Variants in SLC6A14 observed in about 807,000 individuals in gnomAD.
The protein encoded by SLC6A14 is solute carrier family 6 member 14, also known as sodium- and chloride-dependent neutral and basic amino acid transporter B(0+).
Under a neutral mutation model 51.4 loss-of-function variants are expected in SLC6A14, and 21 were observed. The observed-to-expected ratio is 0.41, with a 90% confidence interval of 0.29 to 0.59. The LOEUF is 0.59. Among genes scored for constraint, SLC6A14 ranks in the 20% least tolerant of loss-of-function variants. SLC6A14 has a pLI of 0.31. For synonymous variants in SLC6A14, 177 were observed against 160.7 expected, an observed-to-expected ratio of 1.10 and a Z score of -0.77; for missense variants, 371 against 472.8, an observed-to-expected ratio of 0.78 and a Z score of 2.00.
intron 9 of SLC6A14, among the ~76,000 whole-genome samples, chrX:116,454,062 G>GA (rs1296335219): frequency 1.8e-5 from 2 of 110,551 alleles, no homozygotes; most frequent in Non-Finnish European, 3.8e-5. Flanking sequence ...GTTCACAGGG[G>GA]ACTGTTACCT....
rs1927996401 is a variant in SLC6A14 at position 116,459,292 on chromosome X, A to G, written c.*337A>G. 7.6e-6 allele frequency: 1 copy of G among 131,172 alleles called. No individual in the cohort carries two copies. Among genetic ancestry groups the G allele is most frequent in the Admixed American group, 9.0e-5 (1 of 11,121 alleles). The allele number at this position is 131,172 out of a possible 1,213,427, so 10.8% of individuals were successfully genotyped here. Reference sequence around the variant, plus strand: ...AACTAATTTCTTAGAGAATAGTTATATTTTCTATTACACAAGTTTAAAAAT... The same window carrying G: ...AACTAATTTCTTAGAGAATAGTTATGTTTTCTATTACACAAGTTTAAAAAT... On this transcript the variant is annotated 3_prime_UTR_variant, in exon 14 of 14. Coordinates refer to ENST00000598581, the MANE Select transcript of SLC6A14 (RefSeq NM_007231.5).
rs1556694505 is a variant in SLC6A14 at position 116,453,062 on chromosome X, T to A, written c.1205T>A (p.Leu402His). The stretch of plus-strand genomic sequence containing the variant: ...GCCTATCCAGAGGCTCTAGCCCAAC[T>A]CCCAGGTGGTCCATTTTGGTCCATA... ...FIAYPEALAQ[L>H]PGGPFWSILF... The change falls in exon 9 of 14, where the codon CTC (leucine) becomes CAC (histidine). Residue 402 changes from leucine to histidine, a missense_variant. By Grantham distance (99) the Leu-to-His change is moderately conservative. Transcript: ENST00000598581. 1 of 1,199,494 alleles carries A rather than the reference T, an allele frequency of 8.3e-7. No individual in the cohort carries two copies. Among genetic ancestry groups the A allele is most frequent in the Admixed American group, 2.2e-5 (1 of 45,346 alleles).
chrX:116,453,579 CATTG>C (rs1247621661), intron 9 of SLC6A14, among the ~76,000 whole-genome samples: 1 of 111,233 alleles, frequency 9.0e-6, no homozygotes, highest in African/African-American at 3.2e-5. Context: ...GTTGTTTTTG[CATTG>C]ATTATGAATC....
At chrX:116,458,215 G>T (rs782748008) in intron 13 of SLC6A14, among the ~76,000 whole-genome samples, 1 of 111,632 alleles carries the variant, frequency 9.0e-6, no homozygotes, top group East Asian at 2.8e-4. Context: ...AATAAGCCTG[G>T]TAAATATCTC....
chrX:116,459,917 A>G lies in SLC6A14; in HGVS notation c.*962A>G, dbSNP rs1928010236. 1 of 111,997 alleles carries G rather than the reference A, an allele frequency of 8.9e-6. No individual in the cohort carries two copies. Among genetic ancestry groups the G allele is most frequent in the Non-Finnish European group, 1.9e-5 (1 of 53,108 alleles). The allele number at this position is 111,997 out of a possible 1,213,427, so 9.2% of individuals were successfully genotyped here. On this transcript the variant is annotated 3_prime_UTR_variant, in exon 14 of 14. Coordinates refer to ENST00000598581, the MANE Select transcript of SLC6A14 (RefSeq NM_007231.5). ...ACTACTTACAGGTGATAACTTGCAT[A>G]CTATTGGAAGATAAACTTGTCAAAC...
At chrX:116,453,226 C>G (rs1927857752) in intron 9 of SLC6A14, 84 bp downstream of exon 9, 3 of 769,351 alleles carry the variant, frequency 3.9e-6, no homozygotes, top group Non-Finnish European at 5.5e-6. Context: ...CTTTTATTAC[C>G]CCTATTACCC....
chrX:116,445,964 G>C (rs2312056), intron 6 of SLC6A14, among the ~76,000 whole-genome samples: 23,567 of 108,415 alleles, frequency 0.22, 2,320 homozygotes, highest in African/African-American at 0.25. Context: ...TGTTTTAGTT[G>C]CACATTTTTT....
chrX:116,448,321 A>T (rs2147388330), intron 7 of SLC6A14, among the ~76,000 whole-genome samples: 1 of 112,050 alleles, frequency 8.9e-6, no homozygotes, highest in South Asian at 3.7e-4. Context: ...ATATCTATGG[A>T]ATTTTCTTAT....
At chrX:116,457,470 G>T in intron 12 of SLC6A14, 139 bp from the exon 13 acceptor site, 1 of 478,362 alleles carries the variant, frequency 2.1e-6, no homozygotes, top group Non-Finnish European at 3.2e-6. Context: ...CTTGTTACCT[G>T]ATTATTTCAA....
In SLC6A14 at chrX:116,451,703, A is replaced by G. The variant is rs782805805; in HGVS notation, c.1159+33A>G. On this transcript the variant is annotated intron_variant, in intron 8 of 13. Coordinates refer to ENST00000598581, the MANE Select transcript of SLC6A14 (RefSeq NM_007231.5). ...ATACTATATATTATCAACTTTGATT[A>G]ATTCAATGTATCTCACTTATGAAAC... is the stretch of plus-strand genomic sequence containing the variant. 3.6e-6 allele frequency: 3 copies of G among 824,593 alleles called. No homozygotes were observed. In the East Asian group the frequency reaches 9.8e-5, roughly 27 times the overall value. 68.0% of individuals were successfully genotyped at this position (824,593 alleles called of 1,213,427 possible).
At position 116,437,973 on chromosome X, in the gene SLC6A14, C is replaced by A; in HGVS notation, c.214+18C>A. On this transcript the variant is annotated intron_variant, in intron 2 of 13. Transcript: ENST00000598581. Reference sequence around the variant, plus strand: ...TGGTGGAGGTATTCTATTTCACCCCCACCCTCCCACCCCCGCTTTTCCCTC... The same window carrying A: ...TGGTGGAGGTATTCTATTTCACCCCAACCCTCCCACCCCCGCTTTTCCCTC... 1.6e-6 allele frequency: 1 copy of A among 637,842 alleles called. No individual in the cohort carries two copies. The highest frequency in any genetic ancestry group is 2.2e-6 in the Non-Finnish European group (1 of 447,090). The allele number at this position is 637,842 out of a possible 1,213,427, so 52.6% of individuals were successfully genotyped here.
At chrX:116,437,982 A>AC in intron 2 of SLC6A14, 27 bp downstream of exon 2, 1 of 629,846 alleles carries the variant, frequency 1.6e-6, no homozygotes, top group Non-Finnish European at 2.0e-6. Context: ...CCACCCTCCC[A>AC]CCCCCGCTTT....
chrX:116,454,890 A>T (rs1483557296), intron 10 of SLC6A14, 87 bp from the exon 11 acceptor site: 24 of 691,378 alleles, frequency 3.5e-5, no homozygotes, highest in Non-Finnish European at 5.1e-5. Context: ...ATATGTCAAG[A>T]TCAAATAAAT....
intron 6 of SLC6A14, among the ~76,000 whole-genome samples, chrX:116,445,457 GGAGA>G (rs4068397): frequency 0.06 from 4,020 of 66,808 alleles, 123 homozygotes; most frequent in African/African-American, 0.077. Flanking sequence ...TCCCCTAGTC[GGAGA>G]GAGAGAGAGA....
chrX:116,438,853 A>G (rs1336760536), intron 2 of SLC6A14, among the ~76,000 whole-genome samples: 1 of 111,964 alleles, frequency 8.9e-6, no homozygotes, highest in Admixed American at 9.5e-5. Context: ...GTGATATTTC[A>G]ATCATATTTC....
chrX:116,442,560 C>A, intron 3 of SLC6A14, 127 bp from the exon 4 acceptor site: 1 of 524,859 alleles, frequency 1.9e-6, no homozygotes. Flanking sequence ...CCACCGCACC[C>A]TGCCTGAAAC....
chrX:116,447,342 A>G, intron 7 of SLC6A14, among the ~76,000 whole-genome samples: 1 of 111,910 alleles, frequency 8.9e-6, no homozygotes, highest in East Asian at 2.8e-4. Context: ...AATTTTGTCT[A>G]GTGAATTGTG....
At chrX:116,440,917 C>T in intron 2 of SLC6A14, 49 bp from the exon 3 acceptor site, 1 of 1,188,533 alleles carries the variant, frequency 8.4e-7, no homozygotes, top group Non-Finnish European at 1.1e-6. Flanking sequence ...AAAGTGCCAT[C>T]AAGACTTCGA....
At chrX:116,440,851 C>A in intron 2 of SLC6A14, 115 bp from the exon 3 acceptor site, 1 of 790,202 alleles carries the variant, frequency 1.3e-6, no homozygotes, top group Non-Finnish European at 1.8e-6. Context: ...GGCCCAAACC[C>A]AGCGCTCTTT....
Sources: allele counts gnomAD v4.1 joint callset (sites outside exome capture counted in the v4.1 genomes callset), GRCh38; gene constraint gnomAD v4.1.1; transcripts MANE v1.5; gene names NCBI Gene and HGNC (gene_info 2026-07-23, HGNC 2026-07-21).